The following AMPH variants were observed in gnomAD, a reference collection of about 807,000 sequenced individuals.
The protein encoded by AMPH is amphiphysin (Stiff-Mann syndrome with breast cancer 128kD autoantigen).
Under a neutral mutation model 99.1 loss-of-function variants are expected in AMPH, and 49 were observed. That is an observed-to-expected ratio of 0.49 (90% confidence interval 0.39 to 0.63). The LOEUF (loss-of-function observed/expected upper bound fraction) is 0.63. Ranked by LOEUF, AMPH falls within the 20% of genes least tolerant of loss-of-function variation. The pLI, the probability that AMPH is intolerant of heterozygous loss-of-function variation, is 0.00. For missense variants in AMPH, 759 were observed against 863.4 expected, an observed-to-expected ratio of 0.88 and a Z score of 1.52; for synonymous variants, 314 against 317.3, an observed-to-expected ratio of 0.99 and a Z score of 0.11.
At chr7:38,626,255 T>A (rs779205924) in intron 1 of AMPH, among the ~76,000 whole-genome samples, 1 of 152,150 alleles carries the variant, frequency 6.6e-6, no homozygotes, top group Non-Finnish European at 1.5e-5. Flanking sequence ...GCTACACCTA[T>A]GAACCCCATC....
rs183953610 is a variant in AMPH, at chr7:38,400,096, A to G, written c.1399-5882T>C. ...TTTTTCTTTCTTTTTCTTTTTTGAA[A>G]TGAAGTCTCACTCTTGTTGCCCAGG... is the stretch of plus-strand genomic sequence containing the variant. On this transcript the variant is annotated intron_variant, in intron 17 of 20. Transcript: ENST00000356264. Among the ~76,000 whole-genome samples the G allele has an allele frequency of 1.6e-3, 251 of 152,250 alleles. 1 individual carries two copies. The highest frequency in any genetic ancestry group is 5.8e-3 in the African/African-American group (240 of 41,552).
At chr7:38,437,639 A>AAAAAAAAAAAAAGAAAAG (rs765494380) in intron 11 of AMPH, among the ~76,000 whole-genome samples, 511 of 96,428 alleles carry the variant, frequency 5.3e-3, no homozygotes, top group East Asian at 6.4e-3. Context: ...AAAAAAAAAA[A>AAAAAAAAAAAAAGAAAAG]AAAAGAAAAG....
At chr7:38,622,624 A>G (rs1794112193) in intron 1 of AMPH, among the ~76,000 whole-genome samples, 1 of 152,144 alleles carries the variant, frequency 6.6e-6, no homozygotes, top group South Asian at 2.1e-4. Context: ...ATTTTCTCAA[A>G]AGTGGAAGAG....
At chr7:38,433,724 CAAAAAA>C (rs570503359) in intron 12 of AMPH, among the ~76,000 whole-genome samples, 5 of 53,196 alleles carry the variant, frequency 9.4e-5, no homozygotes, top group Non-Finnish European at 1.2e-4. Flanking sequence ...GACTCCGTCT[CAAAAAA>C]AAAAAAAAAA....
chr7:38,438,702 A>G (rs1033869094), intron 11 of AMPH, among the ~76,000 whole-genome samples: 1 of 152,184 alleles, frequency 6.6e-6, no homozygotes, highest in African/African-American at 2.4e-5. Context: ...GTTATACCCC[A>G]ATTTTACCAC....
At chr7:38,532,449 T>TC (rs993816689) in intron 2 of AMPH, among the ~76,000 whole-genome samples, 2 of 152,198 alleles carry the variant, frequency 1.3e-5, no homozygotes, top group African/African-American at 4.8e-5. Context: ...TGTTCAAATT[T>TC]CCCCAAGTTT....
intron 1 of AMPH, among the ~76,000 whole-genome samples, chr7:38,566,677 C>A (rs1211740591): frequency 6.6e-6 from 1 of 151,888 alleles, no homozygotes; most frequent in Admixed American, 6.6e-5. Flanking sequence ...CCAGAATCTA[C>A]AAAGAAGTTA....
intron 1 of AMPH, among the ~76,000 whole-genome samples, chr7:38,550,692 C>T (rs951120817): frequency 3.3e-5 from 5 of 152,204 alleles, no homozygotes; most frequent in Admixed American, 2.6e-4. Context: ...CCTCCTCCCT[C>T]TCCCACCACT....
intron 11 of AMPH, among the ~76,000 whole-genome samples, chr7:38,455,001 T>C (rs1234184686): frequency 6.6e-6 from 1 of 152,186 alleles, no homozygotes; most frequent in Non-Finnish European, 1.5e-5. Context: ...ACTCAGTGAT[T>C]TGGGAAGACT....
chr7:38,537,625 G>A (rs536950963), intron 1 of AMPH, among the ~76,000 whole-genome samples: 258 of 152,344 alleles, frequency 1.7e-3, no homozygotes, highest in African/African-American at 6.0e-3. Flanking sequence ...CAAGACAGGT[G>A]TTAGGGATGG....
chr7:38,520,877 T>G (rs1479387178), intron 2 of AMPH, among the ~76,000 whole-genome samples: 1 of 152,228 alleles, frequency 6.6e-6, no homozygotes, highest in Non-Finnish European at 1.5e-5. Flanking sequence ...AACTATTCAC[T>G]GCACCAACTT....
At chr7:38,630,467 T>G (rs1050786844) in intron 1 of AMPH, among the ~76,000 whole-genome samples, 7 of 152,092 alleles carry the variant, frequency 4.6e-5, no homozygotes, top group African/African-American at 1.7e-4. Context: ...CTGTGCGCAA[T>G]TTACTGAGGG....
At position 38,473,697 on chromosome 7, in the gene AMPH, C is replaced by T. The variant is rs1370608112; in HGVS notation, c.590+1634G>A. On this transcript the variant is annotated intron_variant, in intron 7 of 20. Coordinates refer to ENST00000356264, the MANE Select transcript of AMPH (RefSeq NM_001635.4). ...CCGCAGTCCGACCTGGGCGACAGAG[C>T]GAGACTCCGTCTCAAAAAAAAAAAA... is the stretch of plus-strand genomic sequence containing the variant. Among the ~76,000 whole-genome samples the T allele has an allele frequency of 3.4e-3, 109 of 31,842 alleles. 9 individuals carry two copies. The highest frequency in any genetic ancestry group is 0.016 in the African/African-American group (104 of 6,508). The allele number at this position is 31,842 out of a possible 152,430, so 20.9% of individuals were successfully genotyped here.
chr7:38,494,656 A>G (rs1788860037), intron 3 of AMPH, 129 bp from the exon 4 acceptor site: 1 of 733,546 alleles, frequency 1.4e-6, no homozygotes, highest in African/African-American at 1.7e-5. Context: ...CTATAAAGGC[A>G]CAACTGCTGC....
At chr7:38,592,985 A>G (rs1338278777) in intron 1 of AMPH, among the ~76,000 whole-genome samples, 2 of 152,198 alleles carry the variant, frequency 1.3e-5, no homozygotes, top group Non-Finnish European at 2.9e-5. Context: ...ACTTCTTCTG[A>G]ACCTGCATTA....
chr7:38,626,474 G>A (rs551079602), intron 1 of AMPH, among the ~76,000 whole-genome samples: 24 of 152,230 alleles, frequency 1.6e-4, no homozygotes, highest in South Asian at 8.3e-4. Flanking sequence ...AATGGTGCTC[G>A]GAAAACTGGC....
rs772724356 is a variant in AMPH at position 38,494,561 on chromosome 7, G to A, written c.206-34C>T. 1.5e-5 allele frequency: 23 copies of A among 1,566,504 alleles called. No individual in the cohort carries two copies. In the East Asian group the frequency reaches 4.7e-4, roughly 32 times the overall value. On this transcript the variant is annotated intron_variant, in intron 3 of 20. Transcript: ENST00000356264. ...GGAGAGAAACAACTCCCGTTACACA[G>A]AAATGAGTGAGGATTCTCTTCTCCC...
intron 11 of AMPH, among the ~76,000 whole-genome samples, chr7:38,445,103 T>TTAGA (rs969062390): frequency 6.7e-6 from 1 of 150,008 alleles, no homozygotes; most frequent in African/African-American, 2.4e-5. Context: ...TACATATATA[T>TTAGA]TAGATAGATA....
chr7:38,419,145 A>G (rs1584064121), intron 16 of AMPH, among the ~76,000 whole-genome samples: 1 of 152,266 alleles, frequency 6.6e-6, no homozygotes, highest in South Asian at 2.1e-4. Flanking sequence ...CTGTGATTGG[A>G]GAAATCAGTA....
Sources: gnomAD v4.1 joint callset for allele counts (sites outside exome capture counted in the v4.1 genomes callset) on GRCh38, gnomAD v4.1.1 for gene constraint, MANE v1.5 for transcripts, NCBI Gene and HGNC (gene_info 2026-07-23, HGNC 2026-07-21) for gene names.